The following ABLIM1 variants were observed in gnomAD, a reference collection of about 807,000 sequenced individuals.
ABLIM1 encodes actin-binding LIM protein 1.
ABLIM1 carries 40 observed loss-of-function variants against 107.0 expected under a neutral mutation model. The ratio of observed to expected loss-of-function variants is 0.37; its 90% CI spans 0.29 to 0.49. ABLIM1 has a LOEUF of 0.49. ABLIM1 is among the 20% of genes least tolerant of loss of function. The pLI is 0.97. For missense variants in ABLIM1, 857 were observed against 1,008.5 expected, an observed-to-expected ratio of 0.85 and a Z score of 2.04; for synonymous variants, 357 against 357.3, an observed-to-expected ratio of 1.00 and a Z score of 0.01.
intron 1 of ABLIM1, among the ~76,000 whole-genome samples, chr10:114,653,488 G>A (rs1367979729): frequency 2.0e-5 from 3 of 152,172 alleles, no homozygotes; most frequent in Non-Finnish European, 2.9e-5. Flanking sequence ...AGGCTGAAGT[G>A]AGCCCTGTTC....
intron 5 of ABLIM1, among the ~76,000 whole-genome samples, chr10:114,546,275 C>T (rs1168167160): frequency 6.6e-6 from 1 of 151,248 alleles, no homozygotes; most frequent in African/African-American, 2.4e-5. Flanking sequence ...ACCTGAAGAG[C>T]TTCTTGCCTT....
chr10:114,787,382 C>A, the ABLIM1 span, among the ~76,000 whole-genome samples: 1 of 151,734 alleles, frequency 6.6e-6, no homozygotes, highest in Non-Finnish European at 1.5e-5. Context: ...CACCCGGCAG[C>A]CACCCCGTCC....
intron 4 of ABLIM1, among the ~76,000 whole-genome samples, chr10:114,563,870 C>T (rs1039144271): frequency 1.4e-5 from 2 of 143,088 alleles, no homozygotes; most frequent in Non-Finnish European, 3.0e-5. Context: ...AAAAAATTAG[C>T]TGGTGCCTAG....
rs552546434 is a variant in ABLIM1 at position 114,466,418 on chromosome 10, G to A, written c.1312-591C>T. 5.9e-5 allele frequency among the ~76,000 whole-genome samples: 9 copies of A among 151,844 alleles called. No homozygotes were observed. In the South Asian group the frequency reaches 6.2e-4, roughly 11 times the overall value. On this transcript the variant is annotated intron_variant, in intron 11 of 22. Transcript: ENST00000533213. ...GACCATGCTGACATTGTACTTTTCC[G>A]TTTCATAAGTATGTTCACATACCTA...
the ABLIM1 span, among the ~76,000 whole-genome samples, chr10:114,781,658 ATGCGTG>A: frequency 1.6e-5 from 1 of 61,648 alleles, no homozygotes; most frequent in African/African-American, 6.2e-5. Flanking sequence ...GTATATATAT[ATGCGTG>A]TATATATATA....
At chr10:114,483,085 A>G (rs1381463904) in intron 8 of ABLIM1, among the ~76,000 whole-genome samples, 1 of 152,194 alleles carries the variant, frequency 6.6e-6, no homozygotes, top group East Asian at 1.9e-4. Context: ...CGTGTGTGGA[A>G]ACTCTGCCAC....
At chr10:114,793,582 C>T in the ABLIM1 span, among the ~76,000 whole-genome samples, 2 of 152,242 alleles carry the variant, frequency 1.3e-5, no homozygotes, top group Middle Eastern at 3.4e-3. Context: ...GACAGTGGCC[C>T]CAGCTCCTGC....
chr10:114,493,901 G>T (rs2059339042), intron 6 of ABLIM1, among the ~76,000 whole-genome samples: 1 of 152,206 alleles, frequency 6.6e-6, no homozygotes, highest in Non-Finnish European at 1.5e-5. Context: ...TTGACAGGCT[G>T]CTTCTGTAAG....
At chr10:114,795,169 T>C in the ABLIM1 span, among the ~76,000 whole-genome samples, 14 of 152,156 alleles carry the variant, frequency 9.2e-5, no homozygotes, top group African/African-American at 3.1e-4. Context: ...TTTGACCTAA[T>C]AGTCATGCGC....
chr10:114,688,912 T>G (rs1243292730), upstream of ABLIM1, among the ~76,000 whole-genome samples: 1 of 152,350 alleles, frequency 6.6e-6, no homozygotes, highest in East Asian at 1.9e-4. Context: ...GTTTATGCTT[T>G]TTCCAAAAAG....
chr10:114,651,309 G>C (rs2079228958), intron 1 of ABLIM1, among the ~76,000 whole-genome samples: 1 of 152,142 alleles, frequency 6.6e-6, no homozygotes, highest in African/African-American at 2.4e-5. Context: ...TGTATGAAAA[G>C]GGAGAAGCTT....
chr10:114,639,999 C>T (rs145872991), intron 1 of ABLIM1, among the ~76,000 whole-genome samples: 1 of 152,240 alleles, frequency 6.6e-6, no homozygotes, highest in Non-Finnish European at 1.5e-5. Flanking sequence ...TTTGAATGCA[C>T]GGAGAAGGCA....
At chr10:114,716,112 CT>C (rs539060803) in intron 1 of ABLIM1, among the ~76,000 whole-genome samples, 360 of 152,302 alleles carry the variant, frequency 2.4e-3, no homozygotes, top group African/African-American at 8.0e-3. Flanking sequence ...GGAAATCTCT[CT>C]GGCACTCTGA....
At chr10:114,601,610 G>T (rs949757006) in intron 2 of ABLIM1, 1 of 708,982 alleles carries the variant, frequency 1.4e-6, no homozygotes, top group East Asian at 2.8e-5. Context: ...AGGGGCCTCA[G>T]TGAGCACCCA....
At chr10:114,680,031 A>G (rs2080677474) in intron 1 of ABLIM1, among the ~76,000 whole-genome samples, 1 of 152,246 alleles carries the variant, frequency 6.6e-6, no homozygotes, top group African/African-American at 2.4e-5. Flanking sequence ...ATAATTAAAA[A>G]TAAGCAAAAC....
rs1020523742 is a variant in ABLIM1 at position 114,658,061 on chromosome 10, G to A, written c.140C>T (p.Thr47Ile). 6.2e-7 allele frequency: 1 copy of A among 1,614,158 alleles called. No individual in the cohort carries two copies. The highest frequency in any genetic ancestry group is 8.5e-7 in the Non-Finnish European group (1 of 1,180,022). Residue 47 changes from threonine (T) to isoleucine (I), a missense_variant, in exon 1 of 23, where the codon ACC (threonine) becomes ATC (isoleucine). Physicochemically the swap from Thr to Ile is moderately conservative, Grantham distance 89. Around this residue, in one of 5 missense-constraint regions of ABLIM1, gnomAD observed 176 missense variants for 173.5 expected, o/e 1.01. Coordinates refer to ENST00000533213, the MANE Select transcript of ABLIM1 (RefSeq NM_002313.7). ...GGCACGCCTATGAGCGGTGAAGGAG[G>A]TCCCAGAGACCCTCCGGTCCTCAAC... Reference protein sequence around the residue: ...LIVEDRRVSGTSFTAHRRATI... With the variant: ...LIVEDRRVSGISFTAHRRATI...
intron 1 of ABLIM1, among the ~76,000 whole-genome samples, chr10:114,607,352 G>A (rs531393105): frequency 9.2e-5 from 14 of 152,260 alleles, no homozygotes; most frequent in African/African-American, 2.9e-4. Context: ...GAGCCACCGC[G>A]CCCGGCCTCT....
intron 1 of ABLIM1, among the ~76,000 whole-genome samples, chr10:114,681,903 T>C (rs908761372): frequency 1.1e-4 from 16 of 152,234 alleles, no homozygotes; most frequent in African/African-American, 3.9e-4. Context: ...TCACCGACTG[T>C]GGCAGCGCTC....
intron 6 of ABLIM1, among the ~76,000 whole-genome samples, chr10:114,529,701 C>T (rs2065248436): frequency 6.6e-6 from 1 of 152,098 alleles, no homozygotes; most frequent in Non-Finnish European, 1.5e-5. Flanking sequence ...CATGCATGCA[C>T]ACGATTTGGG....
Sources: gnomAD v4.1 joint callset for allele counts (sites outside exome capture counted in the v4.1 genomes callset) on GRCh38, gnomAD v4.1.1 for gene constraint, gnomAD v4.1.1 regional missense constraint, MANE v1.5 for transcripts, NCBI Gene and HGNC (gene_info 2026-07-23, HGNC 2026-07-21) for gene names.